BMX: variants seen among roughly 807,000 people sequenced by gnomAD.
BMX encodes BMX non-receptor tyrosine kinase.
In BMX, 31 loss-of-function variants were observed where a neutral mutation model predicts 59.2. That is an observed-to-expected ratio of 0.52 (90% CI 0.39 to 0.71). BMX has a LOEUF of 0.71. Ranked by LOEUF, BMX falls within the 30% of genes least tolerant of loss-of-function variation. The probability of loss-of-function intolerance (pLI) is 0.00; values close to 1 mark genes in which losing one functional copy is unlikely to be tolerated. For missense variants in BMX, 474 were observed against 491.7 expected (o/e 0.96, Z 0.34); for synonymous variants, 185 against 181.0 (o/e 1.02, Z -0.18).
chrX:15,549,625 AG>A (rs1466272570), intron 17 of BMX, among the ~76,000 whole-genome samples: 1 of 111,922 alleles, frequency 8.9e-6, no homozygotes, highest in Non-Finnish European at 1.9e-5. Flanking sequence ...TACAGGTATC[AG>A]GGAACATGGG....
chrX:15,548,952 T>C (rs1011357114), intron 17 of BMX, among the ~76,000 whole-genome samples: 7 of 112,123 alleles, frequency 6.2e-5, no homozygotes, highest in African/African-American at 2.3e-4. Context: ...CTCAGTGCTC[T>C]TTTAAGTGCT....
intron 9 of BMX, among the ~76,000 whole-genome samples, chrX:15,528,025 G>T (rs1924880132): frequency 8.9e-6 from 1 of 112,623 alleles, no homozygotes; most frequent in Non-Finnish European, 1.9e-5. Context: ...TAAATTAGAA[G>T]TCTTTCCCTG....
Position 15,517,931 on chromosome X carries a change from G to A in BMX, c.448G>A (p.Ala150Thr). 8.3e-7 allele frequency: 1 copy of A among 1,202,824 alleles called. No individual in the cohort carries two copies. Among genetic ancestry groups the A allele is most frequent in the Non-Finnish European group, 1.1e-6 (1 of 889,433 alleles). The change falls in exon 6 of 19, where the codon GCT (alanine) becomes ACT (threonine). Residue 150 changes from alanine to threonine, a missense_variant and splice_region_variant. Coordinates refer to ENST00000348343, the MANE Select transcript of BMX (RefSeq NM_203281.3). ...TATTACTTTGTTTTAATGTTCAGAT[G>A]CTAATCTGCATACTGCAGTCAATGA... The part of the protein sequence containing the change: ...APGCTLWEAY[A>T]NLHTAVNEEK...
intron 14 of BMX, among the ~76,000 whole-genome samples, chrX:15,541,596 T>G (rs1467326133): frequency 8.9e-6 from 1 of 111,866 alleles, no homozygotes; most frequent in African/African-American, 3.2e-5. Flanking sequence ...TGAAAGTTAA[T>G]AAAAGAGAAA....
At chrX:15,537,004 C>A in intron 13 of BMX, 130 bp from the exon 14 acceptor site, 1 of 702,231 alleles carries the variant, frequency 1.4e-6, no homozygotes. Flanking sequence ...TTTAACTTAT[C>A]AACTTAAAAT....
At chrX:15,512,836 A>G (rs1304345351) in intron 4 of BMX, among the ~76,000 whole-genome samples, 6 of 111,920 alleles carry the variant, frequency 5.4e-5, no homozygotes, top group Non-Finnish European at 9.4e-5. Flanking sequence ...TCTGCTTCCC[A>G]TTTAGTCTCC....
At chrX:15,522,276 T>G (rs1352379193) in intron 6 of BMX, 70 bp from the exon 7 acceptor site, 11 of 1,126,105 alleles carry the variant, frequency 9.8e-6, no homozygotes, top group Non-Finnish European at 1.2e-5. Context: ...GCTGATATAC[T>G]TAATTGTCAG....
chrX:15,532,693 C>G (rs973261659), intron 11 of BMX, among the ~76,000 whole-genome samples: 4 of 112,341 alleles, frequency 3.6e-5, no homozygotes, highest in African/African-American at 9.7e-5. Context: ...GTAATAAAAA[C>G]GTTATTTTAT....
At chrX:15,521,451 C>T (rs951944383) in intron 6 of BMX, among the ~76,000 whole-genome samples, 3 of 112,020 alleles carry the variant, frequency 2.7e-5, no homozygotes, top group Non-Finnish European at 5.6e-5. Context: ...ACTGTTCTAA[C>T]AAATTACTAC....
chrX:15,538,415 A>G (rs904686065), intron 14 of BMX, among the ~76,000 whole-genome samples: 1 of 111,673 alleles, frequency 9.0e-6, no homozygotes. Context: ...ATCAATCAGT[A>G]TGGTATGAAA....
intron 2 of BMX, 141 bp downstream of exon 2, chrX:15,508,632 C>T (rs1923832510): frequency 2.4e-6 from 1 of 408,271 alleles, no homozygotes. Context: ...TATCACATGA[C>T]CTTTTCTTAA....
At chrX:15,519,488 C>A (rs1308336239) in intron 6 of BMX, among the ~76,000 whole-genome samples, 3 of 110,991 alleles carry the variant, frequency 2.7e-5, no homozygotes, top group East Asian at 2.8e-4. Flanking sequence ...GGCCATAAAT[C>A]CAATGACTAG....
At chrX:15,514,540 T>A (rs1274446066) in intron 4 of BMX, among the ~76,000 whole-genome samples, 1 of 111,856 alleles carries the variant, frequency 8.9e-6, no homozygotes, top group Non-Finnish European at 1.9e-5. Context: ...AATCTCAAGA[T>A]GAACATAAGG....
chrX:15,543,250 G>A (rs1372035278), intron 16 of BMX, 115 bp downstream of exon 16: 18 of 641,626 alleles, frequency 2.8e-5, no homozygotes, highest in Non-Finnish European at 4.3e-5. Flanking sequence ...TGGGGGCTTA[G>A]AAACCTAAGT....
In BMX at chrX:15,556,500, T is replaced by G; in HGVS notation, c.*353T>G. On this transcript the variant is annotated 3_prime_UTR_variant, in exon 19 of 19. Transcript: ENST00000348343. The stretch of plus-strand genomic sequence containing the variant: ...TTTATATTGTCATTGTCACAACAAT[T>G]AAATATACTACCAAGTACAGAAATG... The G allele has an allele frequency of 7.9e-6, 1 of 126,606 alleles. No individual in the cohort carries two copies. The highest frequency in any genetic ancestry group is 1.6e-5 in the Non-Finnish European group (1 of 62,024). The allele number at this position is 126,606 out of a possible 1,213,427, so 10.4% of individuals were successfully genotyped here.
At position 15,506,197 on chromosome X, in the gene BMX, C is replaced by G. The variant is rs561380403; in HGVS notation, c.-9-2148C>G. On this transcript the variant is annotated intron_variant, in intron 1 of 18. Transcript: ENST00000348343. ...TACAGGCATGAGACACTGTGCCCTG[C>G]CTAGGTGTGAAAGTTCTATAGACAG... is the stretch of plus-strand genomic sequence containing the variant. Among the ~76,000 whole-genome samples, 6 of 111,573 alleles carry G rather than the reference C, an allele frequency of 5.4e-5. No homozygotes were observed. The South Asian group carries it at 2.3e-3, about 42-fold the overall frequency.
chrX:15,555,399 G>A (rs1047540405), intron 18 of BMX, among the ~76,000 whole-genome samples: 1 of 108,895 alleles, frequency 9.2e-6, no homozygotes, highest in Non-Finnish European at 1.9e-5. Flanking sequence ...AGTAGAGACA[G>A]GGTTTCGCCA....
intron 11 of BMX, among the ~76,000 whole-genome samples, chrX:15,532,062 T>C (rs983403626): frequency 8.9e-6 from 1 of 112,144 alleles, no homozygotes; most frequent in Non-Finnish European, 1.9e-5. Context: ...ACATAATGAT[T>C]GTTACGTTCT....
At chrX:15,555,405 C>T (rs1002958330) in intron 18 of BMX, among the ~76,000 whole-genome samples, 1 of 108,986 alleles carries the variant, frequency 9.2e-6, no homozygotes, top group Non-Finnish European at 1.9e-5. Flanking sequence ...GACAGGGTTT[C>T]GCCATGTTGT....
Sources: allele counts gnomAD v4.1 joint callset (sites outside exome capture counted in the v4.1 genomes callset), GRCh38; gene constraint gnomAD v4.1.1; transcripts MANE v1.5; gene names NCBI Gene and HGNC (gene_info 2026-07-23, HGNC 2026-07-21).